Variants in COPS6 observed in about 807,000 individuals in gnomAD.
The protein encoded by COPS6 is COP9 signalosome complex subunit 6.
In COPS6, 9 loss-of-function variants were observed where a neutral mutation model predicts 41.0. The ratio of observed to expected loss-of-function variants is 0.22; its 90% CI spans 0.13 to 0.38. The LOEUF (loss-of-function observed/expected upper bound fraction) is 0.38, where lower values mean the gene tolerates loss of function less well. COPS6 is among the 10% of genes least tolerant of loss of function. The pLI is 1.00. For missense variants in COPS6, 302 were observed against 436.7 expected, an observed-to-expected ratio of 0.69 and a Z score of 2.75; for synonymous variants, 179 against 162.9, an observed-to-expected ratio of 1.10 and a Z score of -0.75.
chr7:100,091,398 T>G lies in COPS6; in HGVS notation c.743-22T>G, dbSNP rs764798444. ...GGAAGTGACAGCATCCAAACTAATG[T>G]AGTCTCTTTTTGTGCCTTTAGGAGA... is the stretch of plus-strand genomic sequence containing the variant. On this transcript the variant is annotated intron_variant, in intron 8 of 9. Coordinates refer to ENST00000303904, the MANE Select transcript of COPS6 (RefSeq NM_006833.5). This position sits in a 1 kb window ranked among gnomAD's most constrained non-coding sequence, Gnocchi z 4.1. 16 of 1,612,380 alleles carry G rather than the reference T, an allele frequency of 9.9e-6. No homozygotes were observed. The South Asian group carries it at 1.5e-4, about 15-fold the overall frequency.
intron 3 of COPS6, 107 bp from the exon 4 acceptor site, chr7:100,090,292 G>T: frequency 1.3e-6 from 1 of 775,516 alleles, no homozygotes; most frequent in Non-Finnish European, 2.1e-6. Context: ...AGGTTGTGGT[G>T]AGCTGAGATC....
At position 100,090,503 on chromosome 7, in the gene COPS6, C is replaced by G. The variant is rs757011569; in HGVS notation, c.423+16C>G. The G allele has an allele frequency of 1.2e-6, 2 of 1,610,078 alleles. No homozygotes were observed. The highest frequency in any genetic ancestry group is 1.7e-4 in the Middle Eastern group (1 of 6,050). On this transcript the variant is annotated intron_variant, in intron 4 of 9. Coordinates refer to ENST00000303904, the MANE Select transcript of COPS6 (RefSeq NM_006833.5). ...CCATAAGCAGGTATGCATGCTCACA[C>G]CTGTGCATGCTGGGGCAGAGAATGG... is the stretch of plus-strand genomic sequence containing the variant.
intron 5 of COPS6, 88 bp downstream of exon 5, chr7:100,090,742 A>G (rs1451353739): frequency 1.4e-6 from 2 of 1,469,002 alleles, no homozygotes; most frequent in African/African-American, 1.4e-5. Flanking sequence ...GCCAGATGCC[A>G]CTTACCAGCT....
At position 100,091,402 on chromosome 7, in the gene COPS6, C is replaced by A. The variant is rs1319365806; in HGVS notation, c.743-18C>A. 1.2e-6 allele frequency: 2 copies of A among 1,613,466 alleles called. No individual in the cohort carries two copies. Among genetic ancestry groups the A allele is most frequent in the African/African-American group, 1.3e-5 (1 of 75,022 alleles). ...GTGACAGCATCCAAACTAATGTAGT[C>A]TCTTTTTGTGCCTTTAGGAGAGGTC... On this transcript the variant is annotated intron_variant, in intron 8 of 9. Coordinates refer to ENST00000303904, the MANE Select transcript of COPS6 (RefSeq NM_006833.5). This position sits in a 1 kb window ranked among gnomAD's most constrained non-coding sequence, Gnocchi z 4.1.
chr7:100,091,772 C>T lies in COPS6; in HGVS notation c.967C>T (p.Arg323Cys), dbSNP rs1795327343. ...CCGACAAGGCATCGGCAGGAGAATG[C>T]GCGGGCTCTTTTTCTGATGAGGGTA... ...YDRQGIGRRM[R>C]GLFF Residue 323 changes from arginine (R) to cysteine (C), a missense_variant, in exon 10 of 10, where the codon CGC (arginine) becomes TGC (cysteine). Transcript: ENST00000303904. This position sits in a 1 kb window ranked among gnomAD's most constrained non-coding sequence, Gnocchi z 4.1. 6.2e-7 allele frequency: 1 copy of T among 1,614,174 alleles called. No homozygotes were observed. The highest frequency in any genetic ancestry group is 8.5e-7 in the Non-Finnish European group (1 of 1,180,038).
At chr7:100,090,362 A>G (rs1562888543) in intron 3 of COPS6, 37 bp from the exon 4 acceptor site, 1 of 1,495,810 alleles carries the variant, frequency 6.7e-7, no homozygotes, top group Admixed American at 1.8e-5. Context: ...AAAAAAAAAA[A>G]AAGAATTACT....
rs373454934 is a variant in COPS6, at chr7:100,090,566, T to TC, written c.424-24dup. The TC allele has an allele frequency of 3.1e-4, 502 of 1,612,408 alleles. 1 individual carries two copies. The African/African-American group carries it at 6.0e-3, about 19-fold the overall frequency. Reference sequence around the variant, plus strand: ...AGGAGAAAGGTAGGGGGCACTGACTTCCTGTGCATTGTCCCTCTCTTCCAG... The same window carrying TC: ...AGGAGAAAGGTAGGGGGCACTGACTTCCCTGTGCATTGTCCCTCTCTTCCAG... On this transcript the variant is annotated intron_variant, in intron 4 of 9. Coordinates refer to ENST00000303904, the MANE Select transcript of COPS6 (RefSeq NM_006833.5).
At position 100,091,021 on chromosome 7, in the gene COPS6, G is replaced by T. The variant is rs1287731888; in HGVS notation, c.535-17G>T. On this transcript the variant is annotated splice_polypyrimidine_tract_variant and intron_variant, in intron 6 of 9. Transcript: ENST00000303904. This position sits in a 1 kb window ranked among gnomAD's most constrained non-coding sequence, Gnocchi z 4.1. ...CCTGCTTTTGATTCTCCCTTTGTGG[G>T]TTACCTTGCCCTGTAGGCCACAATG... The T allele has an allele frequency of 1.2e-6, 2 of 1,613,978 alleles. No individual in the cohort carries two copies. Among genetic ancestry groups the T allele is most frequent in the East Asian group, 2.2e-5 (1 of 44,888 alleles).
At chr7:100,090,319 G>A in intron 3 of COPS6, 80 bp from the exon 4 acceptor site, 2 of 1,080,700 alleles carry the variant, frequency 1.9e-6, no homozygotes, top group South Asian at 1.4e-5. Context: ...CTGCACTCCA[G>A]CCTGGGCAAC....
Position 100,089,252 on chromosome 7 carries a change from C to T in COPS6, c.77-38C>T, listed in dbSNP as rs1413361319. 10 of 1,594,342 alleles carry T rather than the reference C, an allele frequency of 6.3e-6. No homozygotes were observed. The East Asian group carries it at 1.6e-4, about 25-fold the overall frequency. ...CCATCTCCAGGGAAGAACGTGGGGC[C>T]CGGACTCTCACCCTCTCTCCTTTCC... On this transcript the variant is annotated intron_variant, in intron 1 of 9. Transcript: ENST00000303904.
At position 100,090,361 on chromosome 7, in the gene COPS6, AAAAG is replaced by A. The variant is rs779867122; in HGVS notation, c.335-35_335-32del. The A allele has an allele frequency of 7.3e-6, 11 of 1,497,862 alleles. No individual in the cohort carries two copies. The South Asian group carries it at 1.0e-4, about 14-fold the overall frequency. The allele number at this position is 1,497,862 out of a possible 1,614,324, so 92.8% of individuals were successfully genotyped here. ...AGATTCCGTCTCAGAAAAAAAAAAA[AAAAG>A]AATTACTATATGTTCTGGCCCCTTC... On this transcript the variant is annotated intron_variant, in intron 3 of 9. Transcript: ENST00000303904.
chr7:100,091,194 G>A lies in COPS6; in HGVS notation c.649+42G>A, dbSNP rs1327135791. ...CTTGGAAGTGGGGTTGGAAGGTGTG[G>A]CCACATCCCGTCTCAACCTCCTCCT... On this transcript the variant is annotated intron_variant, in intron 7 of 9. Transcript: ENST00000303904. This position sits in a 1 kb window ranked among gnomAD's most constrained non-coding sequence, Gnocchi z 4.1. 1 of 1,613,548 alleles carries A rather than the reference G, an allele frequency of 6.2e-7. No individual in the cohort carries two copies. Among genetic ancestry groups the A allele is most frequent in the African/African-American group, 1.3e-5 (1 of 75,030 alleles).
chr7:100,090,109 G>C (rs563716062), intron 3 of COPS6: 23 of 455,300 alleles, frequency 5.1e-5, no homozygotes, highest in South Asian at 2.4e-4. Context: ...CAGCACTTTG[G>C]GAGGCCGAGG....
At position 100,088,980 on chromosome 7, in the gene COPS6, G is replaced by C. The variant is rs1795271549; in HGVS notation, c.-11G>C. On this transcript the variant is annotated 5_prime_UTR_variant, in exon 1 of 10. Transcript: ENST00000303904. Reference sequence around the variant, plus strand: ...AAGGGGGCGGGGCCGAGGCTGGCGGGCGCGGGGAAAATGGCGGCGGCGGCG... The same window carrying C: ...AAGGGGGCGGGGCCGAGGCTGGCGGCCGCGGGGAAAATGGCGGCGGCGGCG... 15 of 1,317,884 alleles carry C rather than the reference G, an allele frequency of 1.1e-5. No homozygotes were observed. The highest frequency in any genetic ancestry group is 1.5e-5 in the Non-Finnish European group (15 of 1,031,886). The allele number at this position is 1,317,884 out of a possible 1,614,324, so 81.6% of individuals were successfully genotyped here.
Position 100,088,992 on chromosome 7 carries a change from TGGCGGC to T in COPS6, c.18_23del (p.AlaAla9_?10). 9 of 1,309,564 alleles carry T rather than the reference TGGCGGC, an allele frequency of 6.9e-6. No individual in the cohort carries two copies. In the South Asian group the frequency reaches 1.6e-4, roughly 23 times the overall value. The allele number at this position is 1,309,564 out of a possible 1,614,324, so 81.1% of individuals were successfully genotyped here. ...CCGAGGCTGGCGGGCGCGGGGAAAA[TGGCGGC>T]GGCGGCGGCGGCGGCTGCAGCTACG... On this transcript the variant is annotated start_lost and inframe_deletion, in exon 1 of 10. Coordinates refer to ENST00000303904, the MANE Select transcript of COPS6 (RefSeq NM_006833.5).
chr7:100,091,427 C>T lies in COPS6; in HGVS notation c.750C>T (p.Val250=), dbSNP rs1187371557. The T allele has an allele frequency of 1.2e-6, 2 of 1,613,878 alleles. No homozygotes were observed. The highest frequency in any genetic ancestry group is 1.3e-5 in the African/African-American group (1 of 74,892). The change falls in exon 9 of 10, where the codon GTC becomes GTT. Residue 250 remains valine (V), a synonymous_variant. Transcript: ENST00000303904. This position sits in a 1 kb window ranked among gnomAD's most constrained non-coding sequence, Gnocchi z 4.1. The stretch of plus-strand genomic sequence containing the variant: ...CTCTTTTTGTGCCTTTAGGAGAGGT[C>T]CCCTTTAATCATGAGATCCTGCGGG... The part of the protein sequence containing the change: ...EYVKASEAGE[V]PFNHEILREA...
At chr7:100,090,763 CT>C in intron 5 of COPS6, 109 bp downstream of exon 5, 1 of 1,448,644 alleles carries the variant, frequency 6.9e-7, no homozygotes, top group Non-Finnish European at 9.7e-7. Flanking sequence ...GTGACTCTGG[CT>C]TAGTCATTTA....
chr7:100,089,398 A>G lies in COPS6; in HGVS notation c.185A>G (p.Glu62Gly), dbSNP rs776623662. ...CACTGGATCCGCATGCGCTCCCAGGAGGGGCGGCCTGTGCAGGGTGAGTGT... is the reference window on the plus strand; with the variant it reads ...CACTGGATCCGCATGCGCTCCCAGGGGGGGCGGCCTGTGCAGGGTGAGTGT... ...SDHWIRMRSQ[E>G]GRPVQVIGAL... is the part of the protein sequence containing the mutation. Residue 62 changes from glutamate to glycine, a missense_variant, in exon 2 of 10, where the codon GAG (glutamate) becomes GGG (glycine). This residue lies in a region of COPS6 where 76 missense variants were observed against 97.9 expected (regional missense o/e 0.78). Coordinates refer to ENST00000303904, the MANE Select transcript of COPS6 (RefSeq NM_006833.5). 1.2e-6 allele frequency: 2 copies of G among 1,614,020 alleles called. No homozygotes were observed. The highest frequency in any genetic ancestry group is 1.1e-5 in the South Asian group (1 of 91,080).
rs898544948 is a variant in COPS6 at position 100,092,048 on chromosome 7, G to T, written c.*259G>T. On this transcript the variant is annotated 3_prime_UTR_variant, in exon 10 of 10. Transcript: ENST00000303904. Reference sequence around the variant, plus strand: ...GCACTACCATTTGAAGTGACCCCATGTCAGTCACATGGACTGGTCTTTAGC... The same window carrying T: ...GCACTACCATTTGAAGTGACCCCATTTCAGTCACATGGACTGGTCTTTAGC... 4 of 516,630 alleles carry T rather than the reference G, an allele frequency of 7.7e-6. No individual in the cohort carries two copies. Among genetic ancestry groups the T allele is most frequent in the African/African-American group, 7.7e-5 (4 of 52,274 alleles). The allele number at this position is 516,630 out of a possible 1,614,324, so 32.0% of individuals were successfully genotyped here. A position where few individuals can be genotyped will look rare whatever the true frequency, so the allele number is the denominator to read the frequency against.
Sources: gnomAD v4.1 joint callset for allele counts on GRCh38, gnomAD v4.1.1 for gene constraint, gnomAD v4.1.1 regional missense constraint, Gnocchi (gnomAD v3.1) non-coding constraint, MANE v1.5 for transcripts, NCBI Gene and HGNC (gene_info 2026-07-23, HGNC 2026-07-21) for gene names.